CLVS1: variants seen among roughly 807,000 people sequenced by gnomAD.
CLVS1 encodes the protein clavesin 1.
In CLVS1, 10 loss-of-function variants were observed where a neutral mutation model predicts 33.1. That is an observed-to-expected ratio of 0.30 (90% CI 0.19 to 0.51). The LOEUF (loss-of-function observed/expected upper bound fraction) is 0.51. Ranked by LOEUF, CLVS1 falls within the 20% of genes least tolerant of loss-of-function variation. The pLI, the probability that CLVS1 is intolerant of heterozygous loss-of-function variation, is 0.97. For missense variants in CLVS1, 343 were observed against 433.4 expected (o/e 0.79, Z 1.85); for synonymous variants, 163 against 166.1 (o/e 0.98, Z 0.14).
At chr8:61,066,989 G>T (rs563828207) in intron 1 of CLVS1, among the ~76,000 whole-genome samples, 1 of 152,062 alleles carries the variant, frequency 6.6e-6, no homozygotes, top group African/African-American at 2.4e-5. Context: ...CACTGAGCAC[G>T]TGCTGTGTGC....
At chr8:61,201,867 G>T in intron 2 of CLVS1, among the ~76,000 whole-genome samples, 1 of 152,064 alleles carries the variant, frequency 6.6e-6, no homozygotes, top group Non-Finnish European at 1.5e-5. Flanking sequence ...CTGCAGAAAG[G>T]GTACACTCGC....
At chr8:61,022,347 G>C in the CLVS1 span, among the ~76,000 whole-genome samples, 1 of 152,124 alleles carries the variant, frequency 6.6e-6, no homozygotes, top group African/African-American at 2.4e-5. Context: ...ATAGTTTAAC[G>C]AGCAGCTTAT....
At chr8:61,010,280 A>G in the CLVS1 span, among the ~76,000 whole-genome samples, 3 of 152,196 alleles carry the variant, frequency 2.0e-5, no homozygotes, top group Non-Finnish European at 2.9e-5. Flanking sequence ...TTTGTCTTTT[A>G]ATTGCATCCT....
chr8:61,026,218 A>G, the CLVS1 span, among the ~76,000 whole-genome samples: 1 of 152,202 alleles, frequency 6.6e-6, no homozygotes, highest in Non-Finnish European at 1.5e-5. Flanking sequence ...ACACGAGCAG[A>G]GGGAAGACCC....
chr8:61,145,027 G>A (rs537043605), intron 2 of CLVS1, among the ~76,000 whole-genome samples: 20 of 152,170 alleles, frequency 1.3e-4, no homozygotes, highest in Non-Finnish European at 1.9e-4. Context: ...CACCGCACCC[G>A]GCCAATGAGC....
intron 2 of CLVS1, among the ~76,000 whole-genome samples, chr8:61,233,858 C>G (rs941271858): frequency 1.3e-5 from 2 of 152,222 alleles, no homozygotes; most frequent in Non-Finnish European, 2.9e-5. Context: ...CATGAGGCTG[C>G]CCCAGGCTGA....
intron 1 of CLVS1, among the ~76,000 whole-genome samples, chr8:61,068,199 G>GTATATATA (rs377090795): frequency 1.7e-4 from 17 of 97,832 alleles, no homozygotes; most frequent in African/African-American, 7.9e-4. Context: ...ATGTGTATAT[G>GTATATATA]TATATATATA....
At chr8:61,044,384 TAATC>T in the CLVS1 span, among the ~76,000 whole-genome samples, 1 of 152,118 alleles carries the variant, frequency 6.6e-6, no homozygotes, top group South Asian at 2.1e-4. Context: ...GAACTGGGTA[TAATC>T]AGCCCCACCA....
chr8:60,977,683 G>T, the CLVS1 span, among the ~76,000 whole-genome samples: 4 of 152,088 alleles, frequency 2.6e-5, no homozygotes, highest in Non-Finnish European at 5.9e-5. Flanking sequence ...GTGATGTGTT[G>T]GGTATCATTA....
At chr8:61,334,291 C>T (rs543101719) in intron 2 of CLVS1, among the ~76,000 whole-genome samples, 1 of 152,316 alleles carries the variant, frequency 6.6e-6, no homozygotes, top group South Asian at 2.1e-4. Flanking sequence ...ATTTGGTTAA[C>T]AAGCATTTCA....
At chr8:61,446,634 C>G (rs914733923) in intron 3 of CLVS1, among the ~76,000 whole-genome samples, 1 of 152,094 alleles carries the variant, frequency 6.6e-6, no homozygotes, top group African/African-American at 2.4e-5. Flanking sequence ...CATTGGTCTA[C>G]AAATGGTTTT....
chr8:61,220,027 C>T (rs544704802), intron 2 of CLVS1, among the ~76,000 whole-genome samples: 8 of 151,848 alleles, frequency 5.3e-5, no homozygotes, highest in Non-Finnish European at 1.2e-4. Context: ...TGTTTAAGTT[C>T]CTTGTAAATT....
intron 2 of CLVS1, among the ~76,000 whole-genome samples, chr8:61,232,278 C>T (rs190523036): frequency 7.9e-5 from 12 of 151,912 alleles, no homozygotes; most frequent in Non-Finnish European, 1.3e-4. Flanking sequence ...CCTCGTGATC[C>T]GCCCGCCTCA....
intron 3 of CLVS1, among the ~76,000 whole-genome samples, chr8:61,404,831 G>T (rs1814921704): frequency 6.6e-6 from 1 of 152,190 alleles, no homozygotes; most frequent in Non-Finnish European, 1.5e-5. Flanking sequence ...TCAGCAAAAT[G>T]CTGGGCTCAG....
intron 2 of CLVS1, among the ~76,000 whole-genome samples, chr8:61,237,293 A>G (rs570566525): frequency 9.9e-5 from 15 of 152,248 alleles, no homozygotes; most frequent in African/African-American, 2.4e-4. Context: ...GAAAAGAAAA[A>G]AAAAGGAGGC....
chr8:60,977,341 C>A, the CLVS1 span, among the ~76,000 whole-genome samples: 1 of 152,150 alleles, frequency 6.6e-6, no homozygotes, highest in African/African-American at 2.4e-5. Context: ...TGACAGAAAT[C>A]ATCCCTGAGG....
the CLVS1 span, among the ~76,000 whole-genome samples, chr8:61,051,718 C>T: frequency 6.6e-6 from 1 of 152,246 alleles, no homozygotes; most frequent in African/African-American, 2.4e-5. Flanking sequence ...TCCATTTTGA[C>T]CTCAGTGAGT....
At chr8:61,161,580 A>T (rs571066166) in intron 2 of CLVS1, among the ~76,000 whole-genome samples, 7 of 152,310 alleles carry the variant, frequency 4.6e-5, no homozygotes, top group African/African-American at 1.2e-4. Context: ...CCTCACTCAT[A>T]TGTGGAGTCT....
intron 1 of CLVS1, among the ~76,000 whole-genome samples, chr8:61,085,286 A>G (rs1805096865): frequency 6.6e-6 from 1 of 152,200 alleles, no homozygotes; most frequent in African/African-American, 2.4e-5. Flanking sequence ...ATGAAATAGT[A>G]CAACAACAAT....
Sources: allele counts gnomAD v4.1 joint callset (sites outside exome capture counted in the v4.1 genomes callset), GRCh38; gene constraint gnomAD v4.1.1; transcripts MANE v1.5; gene names NCBI Gene and HGNC (gene_info 2026-07-23, HGNC 2026-07-21).